Variants in NEDD4L observed in about 807,000 individuals in gnomAD.
NEDD4L encodes E3 ubiquitin-protein ligase NEDD4-like.
Under a neutral mutation model 148.9 loss-of-function variants are expected in NEDD4L, and 54 were observed. That is an observed-to-expected ratio of 0.36 (90% CI 0.29 to 0.45). NEDD4L has a LOEUF of 0.45. Ranked by LOEUF, NEDD4L falls within the 20% of genes least tolerant of loss-of-function variation. The probability of loss-of-function intolerance (pLI) is 1.00; values close to 1 mark genes in which losing one functional copy is unlikely to be tolerated. For synonymous variants in NEDD4L, 433 were observed against 440.7 expected, an observed-to-expected ratio of 0.98 and a Z score of 0.22; for missense variants, 856 against 1,233.8, an observed-to-expected ratio of 0.69 and a Z score of 4.59.
At position 58,389,684 on chromosome 18, in the gene NEDD4L, C is replaced by T. The variant is rs186366530; in HGVS notation, c.2655+492C>T. Among the ~76,000 whole-genome samples the T allele has an allele frequency of 6.6e-5, 10 of 150,982 alleles. No homozygotes were observed. The East Asian group carries it at 1.9e-3, about 29-fold the overall frequency. On this transcript the variant is annotated intron_variant, in intron 28 of 30. Coordinates refer to ENST00000400345, the MANE Select transcript of NEDD4L (RefSeq NM_001144967.3). Reference sequence around the variant, plus strand: ...GGGCCACTGTTTGTATCCTGTTCAGCTTAGGAGGGAAGTAAAATAGGAATG... The same window carrying T: ...GGGCCACTGTTTGTATCCTGTTCAGTTTAGGAGGGAAGTAAAATAGGAATG...
intron 24 of NEDD4L, 104 bp downstream of exon 24, chr18:58,373,373 A>T: frequency 1.5e-6 from 1 of 685,122 alleles, no homozygotes; most frequent in Admixed American, 2.2e-5. Context: ...AACAACCAGC[A>T]GGAGCTGCAG....
At chr18:58,078,660 A>G (rs550181133) in intron 1 of NEDD4L, among the ~76,000 whole-genome samples, 129 of 152,318 alleles carry the variant, frequency 8.5e-4, no homozygotes, top group South Asian at 4.1e-3. Flanking sequence ...TTTTAGGAAA[A>G]CAATATGTAC....
At chr18:58,171,777 T>G (rs934220832) in intron 2 of NEDD4L, among the ~76,000 whole-genome samples, 1 of 152,200 alleles carries the variant, frequency 6.6e-6, no homozygotes, top group Non-Finnish European at 1.5e-5. Flanking sequence ...TTATTTCTCA[T>G]TCTCACAAAG....
In NEDD4L at chr18:58,256,243, G is replaced by A. The variant is rs2048540582; in HGVS notation, c.297+4189G>A. The A allele has an allele frequency of 8.1e-7, 1 of 1,229,854 alleles. No individual in the cohort carries two copies. Among genetic ancestry groups the A allele is most frequent in the African/African-American group, 1.6e-5 (1 of 64,308 alleles). 76.2% of individuals were successfully genotyped at this position (1,229,854 alleles called of 1,614,324 possible). ...AGCACCGCGCCTCCAGCGCCGACGT[G>A]CGCCAGGTGAGGCTGCTGCCCCTGG... On this transcript the variant is annotated intron_variant, in intron 5 of 30. Transcript: ENST00000400345. This position sits in a 1 kb window ranked among gnomAD's most constrained non-coding sequence, Gnocchi z 5.2.
chr18:58,342,685 A>G (rs1457765635), intron 15 of NEDD4L, among the ~76,000 whole-genome samples: 2 of 152,224 alleles, frequency 1.3e-5, no homozygotes, highest in Non-Finnish European at 2.9e-5. Context: ...GTAGCTACCA[A>G]AGGATGGTGG....
intron 1 of NEDD4L, among the ~76,000 whole-genome samples, chr18:58,143,724 C>T (rs1031122): frequency 0.075 from 11,476 of 152,230 alleles, 443 homozygotes; most frequent in South Asian, 0.12. Flanking sequence ...AGAATTAATC[C>T]TTCCTGCGGG....
intron 1 of NEDD4L, among the ~76,000 whole-genome samples, chr18:58,049,092 A>C (rs1224406216): frequency 6.6e-6 from 1 of 152,204 alleles, no homozygotes; most frequent in Non-Finnish European, 1.5e-5. Context: ...GAAAAAGGAT[A>C]TTTTAGAATT....
At chr18:58,116,417 A>G (rs2085843574) in intron 1 of NEDD4L, among the ~76,000 whole-genome samples, 2 of 152,334 alleles carry the variant, frequency 1.3e-5, no homozygotes, top group Admixed American at 1.3e-4. Context: ...TTCCAGGCGC[A>G]GATGTCAGCC....
rs373178612 is a variant in NEDD4L at position 58,068,440 on chromosome 18, C to G, written c.48+23732C>G. 1.1e-4 allele frequency among the ~76,000 whole-genome samples: 16 copies of G among 152,228 alleles called. No homozygotes were observed. The South Asian group carries it at 3.3e-3, about 32-fold the overall frequency. ...GGTCTTGATCTCCTGACCTTGTGAT[C>G]CACCTGCCTCGGCCTCCCAAAGTGC... is the stretch of plus-strand genomic sequence containing the variant. On this transcript the variant is annotated intron_variant, in intron 1 of 30. Coordinates refer to ENST00000400345, the MANE Select transcript of NEDD4L (RefSeq NM_001144967.3).
Position 58,256,848 on chromosome 18 carries a change from A to G in NEDD4L, c.297+4794A>G. On this transcript the variant is annotated intron_variant, in intron 5 of 30. Transcript: ENST00000400345. The surrounding 1 kb of genome is among the most constrained non-coding windows in gnomAD (Gnocchi z 5.2). The stretch of plus-strand genomic sequence containing the variant: ...CTTACTCTGCGGCGTAACCAAAATA[A>G]AACCTCACCCTCTGTTCCGGGAGTT... 1 of 1,188,252 alleles carries G rather than the reference A, an allele frequency of 8.4e-7. No individual in the cohort carries two copies. The highest frequency in any genetic ancestry group is 1.6e-5 in the African/African-American group (1 of 63,636). 73.6% of individuals were successfully genotyped at this position (1,188,252 alleles called of 1,614,324 possible).
intron 1 of NEDD4L, among the ~76,000 whole-genome samples, chr18:58,151,862 C>T (rs1435984714): frequency 6.6e-6 from 1 of 151,906 alleles, no homozygotes; most frequent in Non-Finnish European, 1.5e-5. Flanking sequence ...CCACTAGGAC[C>T]ACCCCAATGG....
At chr18:58,326,730 A>G (rs971256042) in intron 9 of NEDD4L, among the ~76,000 whole-genome samples, 36 of 152,234 alleles carry the variant, frequency 2.4e-4, no homozygotes, top group African/African-American at 8.7e-4. Flanking sequence ...CTGATAGCTA[A>G]TATGTATATG....
intron 1 of NEDD4L, among the ~76,000 whole-genome samples, chr18:58,090,466 A>G (rs2084011061): frequency 6.6e-6 from 1 of 152,100 alleles, no homozygotes. Context: ...CATCACAGTG[A>G]TATTATCCAG....
intron 5 of NEDD4L, among the ~76,000 whole-genome samples, chr18:58,275,035 G>C (rs928167404): frequency 1.3e-5 from 2 of 152,082 alleles, no homozygotes; most frequent in African/African-American, 4.8e-5. Flanking sequence ...GTGGAGGTTG[G>C]GGTGTCAGCA....
intron 2 of NEDD4L, among the ~76,000 whole-genome samples, chr18:58,189,581 G>A (rs914397228): frequency 3.3e-5 from 5 of 152,144 alleles, no homozygotes; most frequent in African/African-American, 4.8e-5. Flanking sequence ...TTCCAATAAC[G>A]AACGTGTAAA....
In NEDD4L at chr18:58,385,522, GCAGCTTAGTCATC is replaced by G; in HGVS notation, c.2427_2439del (p.Leu810GlyfsTer4). On this transcript the variant is annotated splice_acceptor_variant and splice_polypyrimidine_tract_variant and coding_sequence_variant and intron_variant, in exon 26 of 31. Coordinates refer to ENST00000400345, the MANE Select transcript of NEDD4L (RefSeq NM_001144967.3). LOFTEE classifies it high-confidence loss of function. ...GTTCAATATTGTCCTCTTTTCTCCT[GCAGCTTAGTCATC>G]CAGTGGAGATTTGTGAACAGGGTCC... 6.2e-7 allele frequency: 1 copy of G among 1,612,652 alleles called. No homozygotes were observed. Among genetic ancestry groups the G allele is most frequent in the African/African-American group, 1.3e-5 (1 of 74,900 alleles).
chr18:58,391,383 TG>T, intron 29 of NEDD4L, 103 bp from the exon 30 acceptor site: 3 of 901,612 alleles, frequency 3.3e-6, no homozygotes, highest in East Asian at 2.6e-5. Context: ...GCCTCACCCC[TG>T]GGGGCAAACC....
At chr18:58,061,148 C>A (rs565970088) in intron 1 of NEDD4L, among the ~76,000 whole-genome samples, 3 of 152,176 alleles carry the variant, frequency 2.0e-5, no homozygotes, top group African/African-American at 7.2e-5. Context: ...ACATCTTACA[C>A]GGCACAGTAC....
chr18:58,359,941 G>T (rs1469848400), intron 19 of NEDD4L: 1 of 152,150 alleles, frequency 6.6e-6, no homozygotes. Context: ...GACTCAAAAG[G>T]TCTCATTTGA....
Sources: gnomAD v4.1 joint callset for allele counts (sites outside exome capture counted in the v4.1 genomes callset) on GRCh38, gnomAD v4.1.1 for gene constraint, Gnocchi (gnomAD v3.1) non-coding constraint, MANE v1.5 for transcripts, NCBI Gene and HGNC (gene_info 2026-07-23, HGNC 2026-07-21) for gene names.